Variants in CD28 observed in about 807,000 individuals in gnomAD.
CD28 encodes T-cell-specific surface glycoprotein CD28.
A neutral mutation model predicts 21.4 loss-of-function variants in CD28; 8 were observed. The observed-to-expected ratio is 0.37, with a 90% CI of 0.22 to 0.68. The LOEUF (loss-of-function observed/expected upper bound fraction) is 0.68. Among genes scored for constraint, CD28 ranks in the 30% least tolerant of loss-of-function variants. The pLI, the probability that CD28 is intolerant of heterozygous loss-of-function variation, is 0.55. For missense variants in CD28, 239 were observed against 272.2 expected (o/e 0.88, Z 0.86); for synonymous variants, 106 against 104.0 (o/e 1.02, Z -0.12).
intron 1 of CD28, among the ~76,000 whole-genome samples, chr2:203,720,487 T>C (rs901884870): frequency 2.6e-5 from 4 of 152,206 alleles, no homozygotes; most frequent in Non-Finnish European, 5.9e-5. Context: ...GGGCTGGGTC[T>C]CCTGATACCC....
Position 203,707,477 on chromosome 2 carries a change from C to T in CD28, c.52+729C>T, listed in dbSNP as rs183591070. Among the ~76,000 whole-genome samples the T allele has an allele frequency of 1.1e-4, 17 of 152,226 alleles. No homozygotes were observed. In the East Asian group the frequency reaches 2.5e-3, roughly 22 times the overall value. Reference sequence around the variant, plus strand: ...TCTATCTACCTGAATTGAATGAGTTCCAACATGAATTCTGGAGTCACCACA... The same window carrying T: ...TCTATCTACCTGAATTGAATGAGTTTCAACATGAATTCTGGAGTCACCACA... On this transcript the variant is annotated intron_variant, in intron 1 of 3. Coordinates refer to ENST00000324106, the MANE Select transcript of CD28 (RefSeq NM_006139.4).
At chr2:203,709,335 C>CT (rs1428507984) in intron 1 of CD28, among the ~76,000 whole-genome samples, 2 of 152,008 alleles carry the variant, frequency 1.3e-5, no homozygotes, top group East Asian at 1.9e-4. Context: ...AAGAATAGTT[C>CT]TTTTTTCCAT....
chr2:203,729,483 A>G (rs1322554725), intron 2 of CD28, among the ~76,000 whole-genome samples, 165 bp from the exon 3 acceptor site: 2 of 152,196 alleles, frequency 1.3e-5, no homozygotes, highest in African/African-American at 4.8e-5. Flanking sequence ...GATCATGGTC[A>G]GTGGTGGGGT....
intron 1 of CD28, among the ~76,000 whole-genome samples, chr2:203,708,528 C>G (rs1372977357): frequency 6.6e-6 from 1 of 152,204 alleles, no homozygotes; most frequent in Non-Finnish European, 1.5e-5. Flanking sequence ...TATCTGTCAT[C>G]AACTTATTCA....
chr2:203,737,445 A>G lies in CD28; in HGVS notation c.*2533A>G, dbSNP rs1694065495. The G allele has an allele frequency of 6.6e-6, 1 of 152,332 alleles. No homozygotes were observed. The highest frequency in any genetic ancestry group is 2.4e-5 in the African/African-American group (1 of 41,428). 9.4% of individuals were successfully genotyped at this position (152,332 alleles called of 1,614,324 possible). On this transcript the variant is annotated 3_prime_UTR_variant, in exon 4 of 4. Coordinates refer to ENST00000324106, the MANE Select transcript of CD28 (RefSeq NM_006139.4). The stretch of plus-strand genomic sequence containing the variant: ...TAAATAAATACTTTTTTTTAAATGG[A>G]AAGACTTGATCTATGGTAATAAATG...
In CD28 at chr2:203,734,773, C is replaced by T; in HGVS notation, c.535-11C>T. 1.2e-6 allele frequency: 2 copies of T among 1,614,194 alleles called. No homozygotes were observed. The stretch of plus-strand genomic sequence containing the variant: ...ATTGTCCCTCCATACTGACACTTCT[C>T]TTTCCTGCAGGTGAGGAGTAAGAGG... On this transcript the variant is annotated splice_polypyrimidine_tract_variant and intron_variant, in intron 3 of 3. Coordinates refer to ENST00000324106, the MANE Select transcript of CD28 (RefSeq NM_006139.4).
At chr2:203,721,660 G>A (rs1313417864) in intron 1 of CD28, among the ~76,000 whole-genome samples, 1 of 152,072 alleles carries the variant, frequency 6.6e-6, no homozygotes, top group Admixed American at 6.6e-5. Flanking sequence ...CAGGACTCAG[G>A]TCAGCCGTCA....
intron 1 of CD28, among the ~76,000 whole-genome samples, chr2:203,724,122 C>T (rs981746941): frequency 1.3e-5 from 2 of 151,848 alleles, no homozygotes; most frequent in East Asian, 1.9e-4. Context: ...GTGAAAGAAA[C>T]GAGACACAAA....
intron 3 of CD28, among the ~76,000 whole-genome samples, chr2:203,733,268 T>G (rs1693945443): frequency 6.6e-6 from 1 of 152,176 alleles, no homozygotes; most frequent in Non-Finnish European, 1.5e-5. Context: ...GTAGCATCCC[T>G]CCCCGTTGTG....
intron 1 of CD28, among the ~76,000 whole-genome samples, chr2:203,708,188 G>A (rs1043249623): frequency 6.6e-6 from 1 of 152,156 alleles, no homozygotes; most frequent in Non-Finnish European, 1.5e-5. Flanking sequence ...CAGAGGTACA[G>A]TAGTTGCATA....
At chr2:203,723,642 G>A (rs1457005685) in intron 1 of CD28, among the ~76,000 whole-genome samples, 1 of 152,166 alleles carries the variant, frequency 6.6e-6, no homozygotes, top group African/African-American at 2.4e-5. Context: ...ATGAAAAGAT[G>A]CTTAGCATCA....
rs1694059096 is a variant in CD28, at chr2:203,737,149, G to A, written c.*2237G>A. 6.6e-6 allele frequency: 1 copy of A among 152,006 alleles called. No individual in the cohort carries two copies. The highest frequency in any genetic ancestry group is 2.4e-5 in the African/African-American group (1 of 41,382). 9.4% of individuals were successfully genotyped at this position (152,006 alleles called of 1,614,324 possible). A position where few individuals can be genotyped will look rare whatever the true frequency, so the allele number is the denominator to read the frequency against. The stretch of plus-strand genomic sequence containing the variant: ...AGAGGTCTTTTAATTTTTTTTTAAT[G>A]TGAGAAGGAAGGGAGGAGTAGGAAT... On this transcript the variant is annotated 3_prime_UTR_variant, in exon 4 of 4. Coordinates refer to ENST00000324106, the MANE Select transcript of CD28 (RefSeq NM_006139.4).
intron 1 of CD28, among the ~76,000 whole-genome samples, chr2:203,718,950 T>C (rs1280575412): frequency 1.3e-5 from 2 of 152,246 alleles, no homozygotes; most frequent in South Asian, 4.1e-4. Flanking sequence ...ATAAGATTAT[T>C]TGATGTGATC....
At chr2:203,708,310 C>T (rs1012902347) in intron 1 of CD28, among the ~76,000 whole-genome samples, 4 of 152,180 alleles carry the variant, frequency 2.6e-5, no homozygotes, top group East Asian at 1.9e-4. Flanking sequence ...TGGTACCAAG[C>T]GTTTACAGCT....
At chr2:203,714,233 C>G (rs182696147) in intron 1 of CD28, among the ~76,000 whole-genome samples, 61 of 152,272 alleles carry the variant, frequency 4.0e-4, no homozygotes, top group Non-Finnish European at 7.1e-4. Flanking sequence ...CTGGGTAATA[C>G]ATGCCTTCTC....
intron 1 of CD28, among the ~76,000 whole-genome samples, chr2:203,725,746 T>G (rs1413430884): frequency 6.6e-6 from 1 of 152,212 alleles, no homozygotes; most frequent in Non-Finnish European, 1.5e-5. Flanking sequence ...ATGAATTTCT[T>G]GGGGAGGCTA....
chr2:203,732,321 G>C (rs1259121454), intron 3 of CD28, among the ~76,000 whole-genome samples: 2 of 152,160 alleles, frequency 1.3e-5, no homozygotes, highest in Non-Finnish European at 2.9e-5. Context: ...AGTAAATAAA[G>C]AGCTCCCTTT....
chr2:203,709,709 G>A (rs1390606484), intron 1 of CD28, among the ~76,000 whole-genome samples: 2 of 152,230 alleles, frequency 1.3e-5, no homozygotes, highest in Admixed American at 6.5e-5. Context: ...GATGATAGAA[G>A]GATGGTATGC....
At chr2:203,724,527 T>C (rs186985455) in intron 1 of CD28, among the ~76,000 whole-genome samples, 1 of 152,298 alleles carries the variant, frequency 6.6e-6, no homozygotes, top group East Asian at 1.9e-4. Context: ...TTAAAGTTCT[T>C]GATATAAAGC....
Sources: allele counts gnomAD v4.1 joint callset (sites outside exome capture counted in the v4.1 genomes callset), GRCh38; gene constraint gnomAD v4.1.1; transcripts MANE v1.5; gene names NCBI Gene and HGNC (gene_info 2026-07-23, HGNC 2026-07-21).